Variants in ZBTB40 observed in about 807,000 individuals in gnomAD.
ZBTB40 encodes the protein zinc finger and BTB domain containing 40.
A neutral mutation model predicts 117.5 loss-of-function variants in ZBTB40; 60 were observed. The ratio of observed to expected loss-of-function variants is 0.51; its 90% CI spans 0.41 to 0.63. The LOEUF is 0.63. ZBTB40 is among the 30% of genes least tolerant of loss of function. ZBTB40 has a pLI of 0.00. For synonymous variants in ZBTB40, 525 were observed against 577.1 expected, an observed-to-expected ratio of 0.91 and a Z score of 1.29; for missense variants, 1,287 against 1,498.5, an observed-to-expected ratio of 0.86 and a Z score of 2.33.
chr1:22,481,786 C>CT (rs1180029994), intron 1 of ZBTB40, among the ~76,000 whole-genome samples: 1 of 8,154 alleles, frequency 1.2e-4, no homozygotes, highest in Non-Finnish European at 2.2e-4. Context: ...TCTTGTTTTA[C>CT]CAAAAAAAAA....
chr1:22,474,269 G>A (rs1641502416), intron 1 of ZBTB40, among the ~76,000 whole-genome samples: 1 of 152,210 alleles, frequency 6.6e-6, no homozygotes, highest in African/African-American at 2.4e-5. Context: ...TGATGACAGT[G>A]AAAGCATTTG....
At chr1:22,466,149 C>G (rs958495941) in intron 1 of ZBTB40, among the ~76,000 whole-genome samples, 3 of 152,180 alleles carry the variant, frequency 2.0e-5, no homozygotes, top group Non-Finnish European at 4.4e-5. Flanking sequence ...CCTTTTATGT[C>G]TGGCTAAACT....
chr1:22,447,270 G>A (rs1056090882), upstream of ZBTB40, among the ~76,000 whole-genome samples: 1 of 152,162 alleles, frequency 6.6e-6, no homozygotes, highest in African/African-American at 2.4e-5. Context: ...GCTGTCTGCA[G>A]AACATTGTAA....
At chr1:22,511,536 GGA>G in intron 10 of ZBTB40, 138 bp from the exon 11 acceptor site, 1 of 1,234,442 alleles carries the variant, frequency 8.1e-7, no homozygotes, top group Admixed American at 2.5e-5. Flanking sequence ...TGGAAAGTAA[GGA>G]GGACAATGAT....
chr1:22,492,514 G>A (rs1638660187), intron 3 of ZBTB40, among the ~76,000 whole-genome samples: 1 of 152,230 alleles, frequency 6.6e-6, no homozygotes, highest in African/African-American at 2.4e-5. Flanking sequence ...AGAGTGAGAG[G>A]GCGCTGCCCC....
chr1:22,440,354 C>T (rs996875622), intron 1 of ZBTB40, among the ~76,000 whole-genome samples: 4 of 152,136 alleles, frequency 2.6e-5, no homozygotes, highest in African/African-American at 9.7e-5. Context: ...ACTTCTAATA[C>T]TAAGCTGGAT....
chr1:22,507,588 T>C (rs962516970), intron 6 of ZBTB40, among the ~76,000 whole-genome samples: 1 of 152,126 alleles, frequency 6.6e-6, no homozygotes, highest in Non-Finnish European at 1.5e-5. Flanking sequence ...GGCACCTAAA[T>C]AGAAAAACCA....
intron 1 of ZBTB40, among the ~76,000 whole-genome samples, chr1:22,462,276 T>A (rs1641150713): frequency 6.6e-6 from 1 of 152,208 alleles, no homozygotes; most frequent in Non-Finnish European, 1.5e-5. Flanking sequence ...ATGAGTTCAC[T>A]GACTGACTCT....
intron 1 of ZBTB40, among the ~76,000 whole-genome samples, chr1:22,433,026 G>C (rs1443146636): frequency 1.3e-5 from 2 of 152,178 alleles, no homozygotes; most frequent in Non-Finnish European, 2.9e-5. Flanking sequence ...TCTTTGTAAA[G>C]TTAACCATGC....
intron 1 of ZBTB40, among the ~76,000 whole-genome samples, chr1:22,488,108 C>T (rs1409890393): frequency 6.6e-6 from 1 of 152,188 alleles, no homozygotes; most frequent in African/African-American, 2.4e-5. Flanking sequence ...AAGCTTTACT[C>T]TAACTCCTGG....
chr1:22,467,455 CTA>C (rs1254358915), intron 1 of ZBTB40, among the ~76,000 whole-genome samples: 2 of 152,138 alleles, frequency 1.3e-5, no homozygotes, highest in Non-Finnish European at 2.9e-5. Context: ...GCTCCCTCTC[CTA>C]TGTTATTAGT....
intron 1 of ZBTB40, among the ~76,000 whole-genome samples, chr1:22,444,280 C>T (rs904617334): frequency 2.0e-5 from 3 of 151,950 alleles, no homozygotes; most frequent in East Asian, 1.9e-4. Flanking sequence ...ATTAGCTGGG[C>T]GTGGTGGTGG....
At chr1:22,483,959 T>C (rs1001922158) in intron 1 of ZBTB40, among the ~76,000 whole-genome samples, 2 of 152,232 alleles carry the variant, frequency 1.3e-5, no homozygotes, top group Admixed American at 6.5e-5. Context: ...ATTCATTTTT[T>C]CGTATGTGAA....
intron 1 of ZBTB40, among the ~76,000 whole-genome samples, chr1:22,456,408 T>C (rs1411386600): frequency 6.6e-6 from 1 of 152,182 alleles, no homozygotes; most frequent in Non-Finnish European, 1.5e-5. Context: ...CTGATCCATG[T>C]AAGTCAGAGA....
At chr1:22,458,114 C>A (rs1641045017) in intron 1 of ZBTB40, among the ~76,000 whole-genome samples, 1 of 152,234 alleles carries the variant, frequency 6.6e-6, no homozygotes, top group African/African-American at 2.4e-5. Context: ...CTTTCTCTTC[C>A]TTTGGTTAGA....
intron 1 of ZBTB40, among the ~76,000 whole-genome samples, chr1:22,466,542 C>T (rs571600749): frequency 6.6e-6 from 1 of 152,278 alleles, no homozygotes; most frequent in South Asian, 2.1e-4. Flanking sequence ...TTCTCAGCAA[C>T]ACTTGTATTT....
At chr1:22,471,118 G>A (rs1209838091) in intron 1 of ZBTB40, among the ~76,000 whole-genome samples, 4 of 152,196 alleles carry the variant, frequency 2.6e-5, no homozygotes, top group African/African-American at 7.2e-5. Context: ...TTTCTGTATC[G>A]GCAAGGTTGA....
Position 22,511,950 on chromosome 1 carries a change from G to A in ZBTB40, c.2277G>A (p.Arg759=), listed in dbSNP as rs1639249634. The change falls in exon 11 of 18, where the codon CGG becomes CGA. Residue 759 remains arginine (R), a synonymous_variant. Transcript: ENST00000375647. ...TAAAGGTGCACATGAAGCGCTGCCG[G>A]GTGGCTAAGAGCAAACAGGTGCAGT... is the stretch of plus-strand genomic sequence containing the variant. The part of the protein sequence containing the change: ...CRLKVHMKRC[R]VAKSKQVQCK... The A allele has an allele frequency of 1.2e-6, 2 of 1,614,194 alleles. No individual in the cohort carries two copies. Among genetic ancestry groups the A allele is most frequent in the Admixed American group, 1.7e-5 (1 of 60,034 alleles).
chr1:22,499,163 GA>G (rs915317401), intron 3 of ZBTB40, among the ~76,000 whole-genome samples: 4 of 152,220 alleles, frequency 2.6e-5, no homozygotes, highest in Non-Finnish European at 5.9e-5. Context: ...GCAGGCTTCA[GA>G]AGATCCACTT....
Sources: allele counts gnomAD v4.1 joint callset (sites outside exome capture counted in the v4.1 genomes callset), GRCh38; gene constraint gnomAD v4.1.1; transcripts MANE v1.5; gene names NCBI Gene and HGNC (gene_info 2026-07-23, HGNC 2026-07-21).